The following NFASC variants were observed in gnomAD, a reference collection of about 807,000 sequenced individuals.
The protein encoded by NFASC is neurofascin, also known as neurofascin homolog.
NFASC carries 43 observed loss-of-function variants against 147.5 expected under a neutral mutation model. The observed-to-expected ratio is 0.29, with a 90% CI of 0.23 to 0.38. NFASC has a LOEUF of 0.38. Among genes scored for constraint, NFASC ranks in the 10% least tolerant of loss-of-function variants. The probability of loss-of-function intolerance (pLI) is 1.00; values close to 1 mark genes in which losing one functional copy is unlikely to be tolerated. For synonymous variants in NFASC, 622 were observed against 665.5 expected, an observed-to-expected ratio of 0.93 and a Z score of 1.01; for missense variants, 1,320 against 1,689.0, an observed-to-expected ratio of 0.78 and a Z score of 3.83.
chr1:204,835,506 G>A (rs1673494723), intron 1 of NFASC, among the ~76,000 whole-genome samples: 1 of 152,160 alleles, frequency 6.6e-6, no homozygotes, highest in Non-Finnish European at 1.5e-5. Flanking sequence ...TGGGATTACA[G>A]GCGTGAGCCA....
intron 27 of NFASC, among the ~76,000 whole-genome samples, chr1:205,007,034 C>T (rs149366271): frequency 6.6e-6 from 1 of 151,992 alleles, no homozygotes; most frequent in African/African-American, 2.4e-5. Context: ...GGCTTGAAGT[C>T]AGCTTGCTGG....
intron 1 of NFASC, among the ~76,000 whole-genome samples, chr1:204,899,361 A>G (rs901606678): frequency 6.6e-6 from 1 of 152,200 alleles, no homozygotes; most frequent in Non-Finnish European, 1.5e-5. Context: ...GTTTCTGCTC[A>G]TAGCCCTGGC....
chr1:204,914,284 G>A (rs949463571), intron 1 of NFASC, among the ~76,000 whole-genome samples: 1 of 152,178 alleles, frequency 6.6e-6, no homozygotes. Context: ...CCCATATGTA[G>A]TGGGAGGGAC....
intron 1 of NFASC, among the ~76,000 whole-genome samples, chr1:204,865,798 T>C (rs1295881794): frequency 6.6e-6 from 1 of 152,234 alleles, no homozygotes; most frequent in Non-Finnish European, 1.5e-5. Flanking sequence ...ATAATCATTC[T>C]TGAGCATAGT....
chr1:204,927,023 C>T (rs1463888649), intron 2 of NFASC, among the ~76,000 whole-genome samples: 3 of 152,140 alleles, frequency 2.0e-5, no homozygotes, highest in Admixed American at 6.5e-5. Context: ...TGCAGTGAGC[C>T]GAGATGGCGC....
chr1:205,009,909 C>A, intron 28 of NFASC: 1 of 572,198 alleles, frequency 1.7e-6, no homozygotes, highest in South Asian at 2.2e-5. Context: ...GTCCAGGCGG[C>A]CTCAGAGAGG....
At position 204,984,772 on chromosome 1, in the gene NFASC, A is replaced by G. The variant is rs58268677; in HGVS notation, c.2471-2646A>G. 6.2e-3 allele frequency among the ~76,000 whole-genome samples: 937 copies of G among 152,108 alleles called. 10 individuals carry two copies. Among genetic ancestry groups the G allele is most frequent in the African/African-American group, 0.021 (880 of 41,484 alleles). The stretch of plus-strand genomic sequence containing the variant: ...GAGAGCAGTTTCTGCTCTATCATCC[A>G]TCCTCTTCAAAAGGGTGAGCTCAGA... On this transcript the variant is annotated intron_variant, in intron 21 of 29. Transcript: ENST00000339876.
intron 13 of NFASC, 113 bp from the exon 14 acceptor site, chr1:204,974,544 C>T (rs1170317414): frequency 2.3e-6 from 3 of 1,288,496 alleles, no homozygotes; most frequent in African/African-American, 1.5e-5. Context: ...GCTCCAGTCT[C>T]CTAGCATGGG....
intron 1 of NFASC, among the ~76,000 whole-genome samples, chr1:204,917,917 A>G (rs985169517): frequency 1.3e-5 from 2 of 152,210 alleles, no homozygotes; most frequent in Non-Finnish European, 2.9e-5. Flanking sequence ...TAGGATGGTC[A>G]TTGTTTCTAG....
chr1:204,943,973 G>A (rs2802833), intron 2 of NFASC, among the ~76,000 whole-genome samples: 1 of 152,014 alleles, frequency 6.6e-6, no homozygotes, highest in Non-Finnish European at 1.5e-5. Context: ...GGTGAAGGGG[G>A]TGGGCTGTAC....
chr1:204,893,636 AAAG>A (rs2082812670), intron 1 of NFASC, among the ~76,000 whole-genome samples: 1 of 152,232 alleles, frequency 6.6e-6, no homozygotes, highest in African/African-American at 2.4e-5. Flanking sequence ...GGCATTATAC[AAAG>A]AAGACGCACA....
intron 21 of NFASC, chr1:204,984,209 G>T: frequency 2.0e-6 from 2 of 1,022,246 alleles, no homozygotes; most frequent in South Asian, 1.3e-5. Context: ...GGTAGCAAAT[G>T]CGGGCTATAA....
At chr1:204,888,529 C>G (rs997536080) in intron 1 of NFASC, among the ~76,000 whole-genome samples, 2 of 152,178 alleles carry the variant, frequency 1.3e-5, no homozygotes, top group Non-Finnish European at 2.9e-5. Context: ...CTTATGCTGA[C>G]TCAGGTTGAC....
At chr1:204,942,156 C>A (rs1026756688) in intron 2 of NFASC, among the ~76,000 whole-genome samples, 1 of 152,100 alleles carries the variant, frequency 6.6e-6, no homozygotes, top group African/African-American at 2.4e-5. Context: ...GGGAGATAGA[C>A]AAGTGGCTTT....
intron 11 of NFASC, among the ~76,000 whole-genome samples, chr1:204,972,937 G>A (rs763941580): frequency 2.6e-5 from 4 of 152,228 alleles, no homozygotes; most frequent in Non-Finnish European, 4.4e-5. Context: ...CACAGAGATT[G>A]AATGATGCTG....
Position 204,912,867 on chromosome 1 carries a change from AT to A in NFASC, c.-199-7764del, listed in dbSNP as rs201021605. Reference sequence around the variant, plus strand: ...AGAGATCCTGTCTCCAAAAAAAAAAATAATTTAAAAATTAGCTAAGCGTGGT... The same window carrying A: ...AGAGATCCTGTCTCCAAAAAAAAAAAAATTTAAAAATTAGCTAAGCGTGGT... On this transcript the variant is annotated intron_variant, in intron 1 of 29. Coordinates refer to ENST00000339876, the MANE Select transcript of NFASC (RefSeq NM_001005388.3). Among the ~76,000 whole-genome samples the A allele has an allele frequency of 8.9e-3, 1,347 of 152,094 alleles. 23 individuals are homozygous for A. Among genetic ancestry groups the A allele is most frequent in the African/African-American group, 0.031 (1,275 of 41,478 alleles).
intron 2 of NFASC, among the ~76,000 whole-genome samples, chr1:204,940,169 A>G (rs1022693566): frequency 6.6e-6 from 1 of 152,210 alleles, no homozygotes; most frequent in African/African-American, 2.4e-5. Flanking sequence ...TGCACAGCTC[A>G]AAGCCGGGCG....
chr1:204,997,008 G>T (rs929684108), intron 24 of NFASC, among the ~76,000 whole-genome samples, 162 bp from the exon 25 acceptor site: 4 of 152,096 alleles, frequency 2.6e-5, no homozygotes, highest in Admixed American at 6.5e-5. Flanking sequence ...TGTGTCTTCT[G>T]TTGCTGCGAC....
At chr1:204,933,165 A>G (rs995588420) in intron 2 of NFASC, among the ~76,000 whole-genome samples, 1 of 152,222 alleles carries the variant, frequency 6.6e-6, no homozygotes, top group African/African-American at 2.4e-5. Context: ...GAGCACTGAC[A>G]TGATCAGATC....
Sources: allele counts gnomAD v4.1 joint callset (sites outside exome capture counted in the v4.1 genomes callset), GRCh38; gene constraint gnomAD v4.1.1; transcripts MANE v1.5; gene names NCBI Gene and HGNC (gene_info 2026-07-23, HGNC 2026-07-21).